Variants in PRKCE observed in about 807,000 individuals in gnomAD.
The protein encoded by PRKCE is protein kinase C epsilon.
In PRKCE, 16 loss-of-function variants were observed where a neutral mutation model predicts 85.4. That is an observed-to-expected ratio of 0.19 (90% confidence interval 0.13 to 0.28). The LOEUF (loss-of-function observed/expected upper bound fraction) is 0.28, where lower values mean the gene tolerates loss of function less well. Ranked by LOEUF, PRKCE falls within the 10% of genes least tolerant of loss-of-function variation. The pLI, the probability that PRKCE is intolerant of heterozygous loss-of-function variation, is 1.00. For missense variants in PRKCE, 573 were observed against 975.2 expected (o/e 0.59, Z 5.49); for synonymous variants, 388 against 371.5 (o/e 1.04, Z -0.51).
At chr2:46,074,087 A>G (rs1668313464) in intron 10 of PRKCE, 3 of 152,274 alleles carry the variant, frequency 2.0e-5, no homozygotes, top group South Asian at 2.1e-4. Context: ...TCCTTCCCAC[A>G]ATTGAAGGGA....
At chr2:45,750,676 A>G (rs7579246) in intron 1 of PRKCE, among the ~76,000 whole-genome samples, 2 of 152,152 alleles carry the variant, frequency 1.3e-5, no homozygotes, top group Non-Finnish European at 2.9e-5. Flanking sequence ...TTTTCTTCCC[A>G]CATGAAATGG....
At chr2:45,830,124 G>C (rs965803427) in intron 1 of PRKCE, among the ~76,000 whole-genome samples, 1 of 149,870 alleles carries the variant, frequency 6.7e-6, no homozygotes, top group Non-Finnish European at 1.5e-5. Context: ...AAAAGAAATA[G>C]TATAATGGTT....
At chr2:45,904,169 G>A (rs1193414343) in intron 2 of PRKCE, among the ~76,000 whole-genome samples, 1 of 152,056 alleles carries the variant, frequency 6.6e-6, no homozygotes, top group African/African-American at 2.4e-5. Flanking sequence ...CTCCCAATAT[G>A]CTGGGATTAA....
In PRKCE at chr2:46,109,151, C is replaced by T. The variant is rs181586491; in HGVS notation, c.1592+22789C>T. Among the ~76,000 whole-genome samples, 55 of 152,214 alleles carry T rather than the reference C, an allele frequency of 3.6e-4. No homozygotes were observed. The East Asian group carries it at 9.1e-3, about 25-fold the overall frequency. ...ATGTGAGTCCCCCAACTTTCTTCTT[C>T]TTCAGTAATGTTTTGGGTCCCTTAT... On this transcript the variant is annotated intron_variant, in intron 11 of 14. Transcript: ENST00000306156.
chr2:46,171,893 TA>T (rs1277255555), intron 14 of PRKCE, among the ~76,000 whole-genome samples: 2 of 152,260 alleles, frequency 1.3e-5, no homozygotes, highest in Admixed American at 1.3e-4. Flanking sequence ...TAGCTCCAGT[TA>T]TGAGGAGTAC....
intron 2 of PRKCE, among the ~76,000 whole-genome samples, chr2:45,966,231 G>A (rs930016794): frequency 6.6e-6 from 1 of 152,172 alleles, no homozygotes; most frequent in Non-Finnish European, 1.5e-5. Context: ...CATATTGCAT[G>A]AATATGTAAT....
chr2:45,886,990 G>A lies in PRKCE; in HGVS notation c.412+43927G>A, dbSNP rs769142925. ...TGTCACTAGCCTCACGTGGCAGAACGGGGTCAGAAGCTCAGAGTTTAAGTA... is the reference window on the plus strand; with the variant it reads ...TGTCACTAGCCTCACGTGGCAGAACAGGGTCAGAAGCTCAGAGTTTAAGTA... On this transcript the variant is annotated intron_variant, in intron 2 of 14. Transcript: ENST00000306156. Among the ~76,000 whole-genome samples the A allele has an allele frequency of 5.3e-5, 8 of 152,252 alleles. 1 individual carries two copies. The highest frequency in any genetic ancestry group is 3.9e-4 in the Admixed American group (6 of 15,304).
intron 2 of PRKCE, among the ~76,000 whole-genome samples, chr2:45,928,777 C>CT (rs898690247): frequency 9.9e-5 from 15 of 151,702 alleles, no homozygotes; most frequent in African/African-American, 3.4e-4. Context: ...TGTGGATGGA[C>CT]TTTTTTTTTC....
At chr2:45,913,145 T>A (rs1697502205) in intron 2 of PRKCE, among the ~76,000 whole-genome samples, 1 of 152,202 alleles carries the variant, frequency 6.6e-6, no homozygotes, top group South Asian at 2.1e-4. Context: ...GTGTTTTGAC[T>A]AGACAAGCTC....
intron 11 of PRKCE, among the ~76,000 whole-genome samples, chr2:46,132,834 C>G (rs750973900): frequency 2.0e-5 from 3 of 152,230 alleles, no homozygotes; most frequent in Non-Finnish European, 4.4e-5. Context: ...AATCTGTTTT[C>G]TGTCCCTTCA....
At chr2:45,787,725 C>A (rs1429234634) in intron 1 of PRKCE, among the ~76,000 whole-genome samples, 2 of 152,190 alleles carry the variant, frequency 1.3e-5, no homozygotes, top group Admixed American at 6.5e-5. Context: ...AGAGACCTGA[C>A]AACTTGGCTC....
intron 1 of PRKCE, among the ~76,000 whole-genome samples, chr2:45,829,616 C>T (rs1690233351): frequency 6.6e-6 from 1 of 152,172 alleles, no homozygotes; most frequent in Non-Finnish European, 1.5e-5. Flanking sequence ...GTGCAGAGGG[C>T]ACAGGAACCT....
At chr2:46,110,643 C>T (rs1465720621) in intron 11 of PRKCE, among the ~76,000 whole-genome samples, 1 of 151,138 alleles carries the variant, frequency 6.6e-6, no homozygotes, top group Non-Finnish European at 1.5e-5. Flanking sequence ...TTTAAAGCGG[C>T]TTTTGGTTTT....
At chr2:46,013,537 G>A (rs529469918) in intron 10 of PRKCE, among the ~76,000 whole-genome samples, 5 of 152,306 alleles carry the variant, frequency 3.3e-5, no homozygotes, top group African/African-American at 1.2e-4. Flanking sequence ...TAGCAGCTGG[G>A]TTTGGTAGCC....
At chr2:45,948,668 T>C (rs1358917501) in intron 2 of PRKCE, among the ~76,000 whole-genome samples, 3 of 152,164 alleles carry the variant, frequency 2.0e-5, no homozygotes, top group Non-Finnish European at 2.9e-5. Context: ...ACTTGCTTTC[T>C]TGACGAAATA....
intron 10 of PRKCE, among the ~76,000 whole-genome samples, chr2:46,023,201 A>G (rs1196777687): frequency 6.6e-6 from 1 of 152,076 alleles, no homozygotes; most frequent in African/African-American, 2.4e-5. Flanking sequence ...CAGTTGGCCA[A>G]CTGTTTGTGA....
chr2:46,006,104 C>T (rs1705171996), intron 8 of PRKCE, among the ~76,000 whole-genome samples: 1 of 152,232 alleles, frequency 6.6e-6, no homozygotes, highest in Non-Finnish European at 1.5e-5. Flanking sequence ...TCCCACTTGA[C>T]ACAGACGCCA....
chr2:45,859,467 T>C (rs1692971685), intron 2 of PRKCE, among the ~76,000 whole-genome samples: 1 of 152,264 alleles, frequency 6.6e-6, no homozygotes, highest in Admixed American at 6.5e-5. Context: ...TTGTTTTTTA[T>C]CTTCATGAAT....
At chr2:46,179,256 G>A (rs866330837) in intron 14 of PRKCE, among the ~76,000 whole-genome samples, 9 of 152,156 alleles carry the variant, frequency 5.9e-5, no homozygotes, top group Non-Finnish European at 1.0e-4. Context: ...TGGCTCCTCC[G>A]AAAGCTCAAG....
Sources: allele counts gnomAD v4.1 joint callset (sites outside exome capture counted in the v4.1 genomes callset), GRCh38; gene constraint gnomAD v4.1.1; transcripts MANE v1.5; gene names NCBI Gene and HGNC (gene_info 2026-07-23, HGNC 2026-07-21).